PTPRK: variants seen among roughly 807,000 people sequenced by gnomAD.
PTPRK encodes the protein receptor-type tyrosine-protein phosphatase kappa.
Under a neutral mutation model 178.0 loss-of-function variants are expected in PTPRK, and 75 were observed. The observed-to-expected ratio is 0.42, with a 90% CI of 0.35 to 0.51. The LOEUF is 0.51. Ranked by LOEUF, PTPRK falls within the 20% of genes least tolerant of loss-of-function variation. The probability of loss-of-function intolerance (pLI) is 0.02; values close to 1 mark genes in which losing one functional copy is unlikely to be tolerated. For synonymous variants in PTPRK, 637 were observed against 620.6 expected, an observed-to-expected ratio of 1.03 and a Z score of -0.39; for missense variants, 1,441 against 1,797.8, an observed-to-expected ratio of 0.80 and a Z score of 3.59.
At chr6:128,001,046 A>T (rs1777776409) in intron 15 of PTPRK, 2 of 531,648 alleles carry the variant, frequency 3.8e-6, no homozygotes, top group South Asian at 8.9e-5. Context: ...ATTAATCTCA[A>T]TACATTTCCA....
At chr6:128,313,667 G>A (rs1430038100) in intron 3 of PTPRK, among the ~76,000 whole-genome samples, 1 of 152,138 alleles carries the variant, frequency 6.6e-6, no homozygotes, top group Non-Finnish European at 1.5e-5. Context: ...AATAAAGGCT[G>A]AGTGTTTTGA....
chr6:128,152,493 G>C (rs1284751611), intron 7 of PTPRK, among the ~76,000 whole-genome samples: 2 of 151,888 alleles, frequency 1.3e-5, no homozygotes, highest in African/African-American at 4.8e-5. Context: ...ATCCTGACAG[G>C]GTAGGGAAAG....
intron 3 of PTPRK, among the ~76,000 whole-genome samples, chr6:128,297,588 A>G (rs1462422369): frequency 6.6e-6 from 1 of 152,256 alleles, no homozygotes; most frequent in East Asian, 1.9e-4. Flanking sequence ...AAATCGCTCA[A>G]CTACATGGAA....
chr6:128,235,670 G>A (rs77369097), intron 5 of PTPRK: 16,277 of 436,550 alleles, frequency 0.037, 354 homozygotes, highest in Non-Finnish European at 0.053. Context: ...TCTGAGTAGC[G>A]TGATGAAATC....
At chr6:128,515,462 G>A (rs1278831189) in intron 1 of PTPRK, among the ~76,000 whole-genome samples, 1 of 151,158 alleles carries the variant, frequency 6.6e-6, no homozygotes, top group Non-Finnish European at 1.5e-5. Flanking sequence ...AACCTTTTTA[G>A]GCAAAAAGAA....
At chr6:128,048,694 C>A (rs1342852015) in intron 13 of PTPRK, among the ~76,000 whole-genome samples, 2 of 152,212 alleles carry the variant, frequency 1.3e-5, no homozygotes, top group East Asian at 3.8e-4. Context: ...CACAGACTTA[C>A]ACTGTATTTG....
intron 28 of PTPRK, among the ~76,000 whole-genome samples, 195 bp downstream of exon 28, chr6:127,973,469 C>T (rs1331793713): frequency 2.6e-5 from 4 of 151,928 alleles, no homozygotes; most frequent in Admixed American, 2.6e-4. Flanking sequence ...AATAATATAG[C>T]TATATAATAA....
At chr6:128,512,253 C>G (rs951138484) in intron 1 of PTPRK, among the ~76,000 whole-genome samples, 2 of 152,040 alleles carry the variant, frequency 1.3e-5, no homozygotes, top group Admixed American at 6.6e-5. Flanking sequence ...TTCATTAATT[C>G]AATAAATTAT....
At chr6:128,239,129 T>C (rs1021825900) in intron 5 of PTPRK, among the ~76,000 whole-genome samples, 1 of 125,170 alleles carries the variant, frequency 8.0e-6, no homozygotes, top group African/African-American at 4.1e-5. Context: ...CATCTTGTTT[T>C]TTTTTTTTTT....
intron 7 of PTPRK, among the ~76,000 whole-genome samples, chr6:128,111,720 A>C (rs1460974883): frequency 6.6e-6 from 1 of 152,048 alleles, no homozygotes; most frequent in Non-Finnish European, 1.5e-5. Context: ...CACTCAGCTC[A>C]GGTGCTCTCC....
intron 1 of PTPRK, among the ~76,000 whole-genome samples, chr6:128,441,248 A>G (rs181827316): frequency 2.0e-5 from 3 of 152,260 alleles, no homozygotes; most frequent in Middle Eastern, 3.4e-3. Flanking sequence ...TTGGGTAGCC[A>G]CTTAAACCTC....
At chr6:128,061,029 T>C (rs1001808529) in intron 13 of PTPRK, among the ~76,000 whole-genome samples, 8 of 152,316 alleles carry the variant, frequency 5.3e-5, no homozygotes, top group Middle Eastern at 3.4e-3. Flanking sequence ...GTATCTAATA[T>C]GACTCTCACT....
chr6:128,097,660 C>A (rs369096306), intron 7 of PTPRK, among the ~76,000 whole-genome samples: 1 of 152,100 alleles, frequency 6.6e-6, no homozygotes, highest in Admixed American at 6.6e-5. Flanking sequence ...TATGTAACTA[C>A]AATCAATGAA....
At chr6:128,281,433 G>A (rs1014327992) in intron 3 of PTPRK, among the ~76,000 whole-genome samples, 3 of 152,124 alleles carry the variant, frequency 2.0e-5, no homozygotes, top group African/African-American at 4.8e-5. Flanking sequence ...AAATGAATGT[G>A]AAAGGGGCAA....
At chr6:128,430,791 G>A (rs1488428686) in intron 1 of PTPRK, among the ~76,000 whole-genome samples, 2 of 152,120 alleles carry the variant, frequency 1.3e-5, no homozygotes. Context: ...AGTCTACTGT[G>A]TGCTAGATTC....
intron 2 of PTPRK, among the ~76,000 whole-genome samples, chr6:128,328,403 C>A (rs1829848375): frequency 6.6e-6 from 1 of 152,094 alleles, no homozygotes; most frequent in Non-Finnish European, 1.5e-5. Context: ...AATGAGGAGA[C>A]AAAGACACTA....
At chr6:128,084,881 T>C (rs1038068945) in intron 8 of PTPRK, 6 of 152,190 alleles carry the variant, frequency 3.9e-5, no homozygotes, top group Non-Finnish European at 8.8e-5. Context: ...TAATTAATAT[T>C]TTCCCTTAAT....
intron 1 of PTPRK, among the ~76,000 whole-genome samples, chr6:128,450,075 GC>G (rs200793924): frequency 0.023 from 3,483 of 150,158 alleles, 72 homozygotes; most frequent in African/African-American, 0.059. Flanking sequence ...CTGAGATCAC[GC>G]CATTTCACTC....
intron 13 of PTPRK, among the ~76,000 whole-genome samples, chr6:128,050,397 T>C (rs1006671645): frequency 4.6e-5 from 7 of 152,230 alleles, no homozygotes; most frequent in Non-Finnish European, 8.8e-5. Flanking sequence ...TGGTTTTGAA[T>C]AGGCTATTTT....
Sources: gnomAD v4.1 joint callset for allele counts (sites outside exome capture counted in the v4.1 genomes callset) on GRCh38, gnomAD v4.1.1 for gene constraint, MANE v1.5 for transcripts, NCBI Gene and HGNC (gene_info 2026-07-23, HGNC 2026-07-21) for gene names.